C1orf35: variants seen among roughly 807,000 people sequenced by gnomAD.
The protein encoded by C1orf35 is multiple myeloma tumor-associated protein 2.
C1orf35 carries 36 observed loss-of-function variants against 30.9 expected under a neutral mutation model. The ratio of observed to expected loss-of-function variants is 1.16; its 90% CI spans 0.89 to 1.54. The LOEUF (loss-of-function observed/expected upper bound fraction) is 1.54. Among genes scored for constraint, C1orf35 ranks in the 40% most tolerant of loss-of-function variants. The probability of loss-of-function intolerance (pLI) is 0.00; values close to 1 mark genes in which losing one functional copy is unlikely to be tolerated. For synonymous variants in C1orf35, 179 were observed against 148.2 expected (o/e 1.21, Z -1.51); for missense variants, 396 against 358.7 (o/e 1.10, Z -0.84).
rs200320694 is a variant in C1orf35 at position 228,101,431 on chromosome 1, C to T, written c.576G>A (p.Lys192=). 71 of 1,613,662 alleles carry T rather than the reference C, an allele frequency of 4.4e-5. No individual in the cohort carries two copies. The Middle Eastern group carries it at 1.8e-3, about 41-fold the overall frequency. Reference sequence around the variant, plus strand: ...TCTCTTTCTTGTGTTTCCTCTTTTTCTTTTTCTTCTTCTCCTTCTTGCTTT... The same window carrying T: ...TCTCTTTCTTGTGTTTCCTCTTTTTTTTTTTCTTCTTCTCCTTCTTGCTTT... The part of the protein sequence containing the change: ...HRKSKKEKKK[K]KKRKHKKEKK... Residue 192 remains lysine, a synonymous_variant, in exon 7 of 8, where the codon AAG becomes AAA. Coordinates refer to ENST00000272139, the MANE Select transcript of C1orf35 (RefSeq NM_024319.4).
rs780516497 is a variant in C1orf35, at chr1:228,102,316, CACAG to C, written c.437_440del (p.Ser146CysfsTer7). 12 of 1,611,322 alleles carry C rather than the reference CACAG, an allele frequency of 7.4e-6. No homozygotes were observed. The highest frequency in any genetic ancestry group is 6.8e-6 in the Non-Finnish European group (8 of 1,179,666). ...AGGCGGGGCGGGGGATTACCGTGAA[CACAG>C]ACAGCCCCAGTTTGGCGGCCTCCTT... is the stretch of plus-strand genomic sequence containing the variant. On this transcript the variant is annotated frameshift_variant, in exon 5 of 8. Coordinates refer to ENST00000272139, the MANE Select transcript of C1orf35 (RefSeq NM_024319.4). LOFTEE classifies it high-confidence loss of function.
At position 228,101,334 on chromosome 1, in the gene C1orf35, C is replaced by A. The variant is rs916737006; in HGVS notation, c.668+5G>T. 7 of 1,614,062 alleles carry A rather than the reference C, an allele frequency of 4.3e-6. No individual in the cohort carries two copies. Among genetic ancestry groups the A allele is most frequent in the African/African-American group, 1.3e-5 (1 of 74,926 alleles). On this transcript the variant is annotated splice_donor_5th_base_variant and intron_variant, in intron 7 of 7. Coordinates refer to ENST00000272139, the MANE Select transcript of C1orf35 (RefSeq NM_024319.4). ...CCCAAGAGGCAGATATGGACCAGGG[C>A]ATACCTCTCAGGAGATGTGGGAGAG...
chr1:228,102,679 C>T lies in C1orf35; in HGVS notation c.255G>A (p.Lys85=). ...REALLAALGY[K]NVKKQPTGLS... ...GGCCCGTGGGCTGCTTCTTCACGTTCTTGTAGCCACTGCGAGAGGGCCGGG... is the reference window on the plus strand; with the variant it reads ...GGCCCGTGGGCTGCTTCTTCACGTTTTTGTAGCCACTGCGAGAGGGCCGGG... Residue 85 remains lysine, a synonymous_variant, in exon 3 of 8, where the codon AAG becomes AAA. Transcript: ENST00000272139. The T allele has an allele frequency of 6.2e-7, 1 of 1,607,580 alleles. No homozygotes were observed. Among genetic ancestry groups the T allele is most frequent in the African/African-American group, 1.3e-5 (1 of 74,896 alleles).
At position 228,102,496 on chromosome 1, in the gene C1orf35, A is replaced by T; in HGVS notation, c.356T>A (p.Leu119Gln). 1.3e-6 allele frequency: 2 copies of T among 1,558,374 alleles called. No homozygotes were observed. The highest frequency in any genetic ancestry group is 8.7e-7 in the Non-Finnish European group (1 of 1,155,328). The change falls in exon 4 of 8, where the codon CTG becomes CAG. Residue 119 changes from leucine to glutamine, a missense_variant. Physicochemically the swap from Leu to Gln is moderately radical, Grantham distance 113. Coordinates refer to ENST00000272139, the MANE Select transcript of C1orf35 (RefSeq NM_024319.4). ...CCCGCACCTTGCGCTCCCCAGCCCCAGCAGCCGGTCCACGCCCTTCTCCTC... is the reference window on the plus strand; with the variant it reads ...CCCGCACCTTGCGCTCCCCAGCCCCTGCAGCCGGTCCACGCCCTTCTCCTC... Reference protein sequence around the residue: ...DPEEKGVDRLLGLGSASGSVG... With the variant: ...DPEEKGVDRLQGLGSASGSVG...
In C1orf35 at chr1:228,101,236, A is replaced by T. The variant is rs759334682; in HGVS notation, c.687T>A (p.His229Gln). Residue 229 changes from histidine (H) to glutamine (Q), a missense_variant, in exon 8 of 8, where the codon CAT becomes CAA. Coordinates refer to ENST00000272139, the MANE Select transcript of C1orf35 (RefSeq NM_024319.4). ...AGCAGGGGGAGTTGGAGTCGGAGTC[A>T]TGGTGGTGGTGCCTGGGCCTGGGGA... The part of the protein sequence containing the change: ...TSPERPRHHH[H>Q]DSDSNSPCCK... The T allele has an allele frequency of 1.2e-6, 2 of 1,613,906 alleles. No homozygotes were observed. The highest frequency in any genetic ancestry group is 8.5e-7 in the Non-Finnish European group (1 of 1,179,974).
chr1:228,101,075 A>T lies in C1orf35; in HGVS notation c.*56T>A. The T allele has an allele frequency of 6.2e-7, 1 of 1,600,828 alleles. No individual in the cohort carries two copies. The highest frequency in any genetic ancestry group is 2.2e-5 in the East Asian group (1 of 44,800). ...CAAGGAGCTTCCGAGGCAGGAGGCA[A>T]GCAAGGTGAAGGGAGGGTTCAGGGT... is the stretch of plus-strand genomic sequence containing the variant. On this transcript the variant is annotated 3_prime_UTR_variant, in exon 8 of 8. Coordinates refer to ENST00000272139, the MANE Select transcript of C1orf35 (RefSeq NM_024319.4).
chr1:228,101,797 G>A lies in C1orf35; in HGVS notation c.533+283C>T, dbSNP rs1571849491. ...CTCACCATCCAGGAGAAGCCCTGGA[G>A]GTGCCACCCACGGCAGGAAAAGGCC... On this transcript the variant is annotated intron_variant, in intron 6 of 7. Transcript: ENST00000272139. The A allele has an allele frequency of 2.8e-6, 4 of 1,412,134 alleles. 1 individual carries two copies. Among genetic ancestry groups the A allele is most frequent in the South Asian group, 1.6e-5 (1 of 63,638 alleles). 87.5% of individuals were successfully genotyped at this position (1,412,134 alleles called of 1,614,324 possible).
chr1:228,102,388 G>A lies in C1orf35; in HGVS notation c.375-6C>T. 1.2e-6 allele frequency: 2 copies of A among 1,609,626 alleles called. No homozygotes were observed. Among genetic ancestry groups the A allele is most frequent in the East Asian group, 2.2e-5 (1 of 44,752 alleles). On this transcript the variant is annotated splice_region_variant and splice_polypyrimidine_tract_variant and intron_variant, in intron 4 of 7. Coordinates refer to ENST00000272139, the MANE Select transcript of C1orf35 (RefSeq NM_024319.4). ...CCACGCGGCCCACGGAGCCACTGCA[G>A]GGACATGGCGATGAAGACAGTACGG...
chr1:228,101,046 C>T lies in C1orf35; in HGVS notation c.*85G>A, dbSNP rs1571848672. ...CAGGAGCAGCCTCGGGCTTCACCCA[C>T]ACCCAAGGAGCTTCCGAGGCAGGAG... On this transcript the variant is annotated 3_prime_UTR_variant, in exon 8 of 8. Transcript: ENST00000272139. 1 of 1,577,374 alleles carries T rather than the reference C, an allele frequency of 6.3e-7. No individual in the cohort carries two copies. Among genetic ancestry groups the T allele is most frequent in the East Asian group, 2.2e-5 (1 of 44,644 alleles).
rs760551591 is a variant in C1orf35 at position 228,101,519 on chromosome 1, C to CCAAGA, written c.534-51_534-47dup. 1.9e-6 allele frequency: 3 copies of CCAAGA among 1,603,456 alleles called. No homozygotes were observed. In the African/African-American group the frequency reaches 4.0e-5, roughly 21 times the overall value. On this transcript the variant is annotated intron_variant, in intron 6 of 7. Coordinates refer to ENST00000272139, the MANE Select transcript of C1orf35 (RefSeq NM_024319.4). ...GTGCCTCAGACCCTAGTCTTGCAAG[C>CCAAGA]CAAGAGAGTGAACACAAGCAGGCCC... is the stretch of plus-strand genomic sequence containing the variant.
Position 228,103,173 on chromosome 1 carries a change from C to T in C1orf35, c.55G>A (p.Glu19Lys). 6.2e-6 allele frequency: 10 copies of T among 1,612,064 alleles called. No homozygotes were observed. In the Middle Eastern group the frequency reaches 1.7e-3, roughly 267 times the overall value. ...CGCTGCTTGTCAGTCTTCACGTCCT[C>T]CCAGTTGAACTGGTCCTGCCCGCCG... ...VRGGQDQFNW[E>K]DVKTDKQREN... The change falls in exon 1 of 8, where the codon GAG becomes AAG. Residue 19 changes from glutamate to lysine, a missense_variant. Glu to Lys is a moderately conservative substitution (Grantham distance 56). Transcript: ENST00000272139.
At position 228,102,972 on chromosome 1, in the gene C1orf35, A is replaced by G; in HGVS notation, c.172T>C (p.Cys58Arg). Reference protein sequence around the residue: ...LTWYAKGRAPCAGPSREEELA... With the variant: ...LTWYAKGRAPRAGPSREEELA... The stretch of plus-strand genomic sequence containing the variant: ...TCCTCCTCGCGGCTCGGGCCCGCGC[A>G]TGGCGCCCGGCCCTTGGCGTACCAG... The change falls in exon 2 of 8, where the codon TGC (cysteine) becomes CGC (arginine). Residue 58 changes from cysteine (C) to arginine (R), a missense_variant. Transcript: ENST00000272139. 2 of 1,527,822 alleles carry G rather than the reference A, an allele frequency of 1.3e-6. No homozygotes were observed. Among genetic ancestry groups the G allele is most frequent in the Non-Finnish European group, 1.7e-6 (2 of 1,143,034 alleles). 94.6% of individuals were successfully genotyped at this position (1,527,822 alleles called of 1,614,324 possible).
chr1:228,101,407 CTCTT>C lies in C1orf35; in HGVS notation c.596_599del (p.Lys199ArgfsTer77), dbSNP rs1162955452. The C allele has an allele frequency of 3.7e-6, 6 of 1,613,740 alleles. No homozygotes were observed. Among genetic ancestry groups the C allele is most frequent in the African/African-American group, 1.3e-5 (1 of 74,932 alleles). On this transcript the variant is annotated frameshift_variant, in exon 7 of 8. Coordinates refer to ENST00000272139, the MANE Select transcript of C1orf35 (RefSeq NM_024319.4). LOFTEE classifies it high-confidence loss of function. Reference sequence around the variant, plus strand: ...TGTGCTCTTTGTCTTTCTTCTTCTTCTCTTTCTTGTGTTTCCTCTTTTTCTTTTT... The same window carrying C: ...TGTGCTCTTTGTCTTTCTTCTTCTTCTCTTGTGTTTCCTCTTTTTCTTTTT...
Position 228,102,680 on chromosome 1 carries a change from T to C in C1orf35, c.254A>G (p.Lys85Arg), listed in dbSNP as rs751006150. The change falls in exon 3 of 8, where the codon AAG becomes AGG. Residue 85 changes from lysine (K) to arginine (R), a missense_variant. Lys to Arg is a conservative substitution (Grantham distance 26). Coordinates refer to ENST00000272139, the MANE Select transcript of C1orf35 (RefSeq NM_024319.4). ...REALLAALGY[K>R]NVKKQPTGLS... is the part of the protein sequence containing the mutation. ...GCCCGTGGGCTGCTTCTTCACGTTCTTGTAGCCACTGCGAGAGGGCCGGGG... is the reference window on the plus strand; with the variant it reads ...GCCCGTGGGCTGCTTCTTCACGTTCCTGTAGCCACTGCGAGAGGGCCGGGG... 1.1e-5 allele frequency: 18 copies of C among 1,607,614 alleles called. No individual in the cohort carries two copies. The highest frequency in any genetic ancestry group is 1.3e-5 in the African/African-American group (1 of 74,780).
Position 228,103,243 on chromosome 1 carries a change from G to C in C1orf35, c.-16C>G, listed in dbSNP as rs371891094. The C allele has an allele frequency of 9.9e-6, 16 of 1,608,452 alleles. No individual in the cohort carries two copies. The African/African-American group carries it at 2.0e-4, about 20-fold the overall frequency. On this transcript the variant is annotated 5_prime_UTR_variant, in exon 1 of 8. Coordinates refer to ENST00000272139, the MANE Select transcript of C1orf35 (RefSeq NM_024319.4). Reference sequence around the variant, plus strand: ...AGCCGAACATGGCGCCGGGAAGGCAGTTGCCTGGGGCCTGCGGCTTGCAAC... The same window carrying C: ...AGCCGAACATGGCGCCGGGAAGGCACTTGCCTGGGGCCTGCGGCTTGCAAC...
At position 228,101,235 on chromosome 1, in the gene C1orf35, CATG is replaced by C. The variant is rs763550395; in HGVS notation, c.685_687del (p.His229del). ...CAGCAGGGGGAGTTGGAGTCGGAGTCATGGTGGTGGTGCCTGGGCCTGGGGAGA... is the reference window on the plus strand; with the variant it reads ...CAGCAGGGGGAGTTGGAGTCGGAGTCGTGGTGGTGCCTGGGCCTGGGGAGA... On this transcript the variant is annotated inframe_deletion, in exon 8 of 8. Coordinates refer to ENST00000272139, the MANE Select transcript of C1orf35 (RefSeq NM_024319.4). 52 of 1,614,172 alleles carry C rather than the reference CATG, an allele frequency of 3.2e-5. No homozygotes were observed. The highest frequency in any genetic ancestry group is 2.2e-4 in the East Asian group (10 of 44,878).
chr1:228,101,179 G>A lies in C1orf35; in HGVS notation c.744C>T (p.Asp248=). The part of the protein sequence containing the change: ...CKRRKRGHSG[D]RRSPSRRWHD... ...GCCACCTGCGAGACGGGCTCCTCCT[G>A]TCCCCACTGTGTCCCCGCTTCCTCC... The change falls in exon 8 of 8, where the codon GAC becomes GAT. Residue 248 remains aspartate, a synonymous_variant. Coordinates refer to ENST00000272139, the MANE Select transcript of C1orf35 (RefSeq NM_024319.4). 1.2e-6 allele frequency: 2 copies of A among 1,614,128 alleles called. No individual in the cohort carries two copies. The highest frequency in any genetic ancestry group is 1.7e-6 in the Non-Finnish European group (2 of 1,180,044).
chr1:228,100,952 G>A lies in C1orf35; in HGVS notation c.*179C>T, dbSNP rs1338977156. On this transcript the variant is annotated 3_prime_UTR_variant, in exon 8 of 8. Coordinates refer to ENST00000272139, the MANE Select transcript of C1orf35 (RefSeq NM_024319.4). Reference sequence around the variant, plus strand: ...TATGCGAAACCTGGAGGTTTTCCAGGAAGCCGGCTGCTCCAGAGCTAGCTG... The same window carrying A: ...TATGCGAAACCTGGAGGTTTTCCAGAAAGCCGGCTGCTCCAGAGCTAGCTG... The A allele has an allele frequency of 7.4e-6, 7 of 941,384 alleles. No homozygotes were observed. In the Admixed American group the frequency reaches 1.1e-4, roughly 15 times the overall value. The allele number at this position is 941,384 out of a possible 1,614,324, so 58.3% of individuals were successfully genotyped here.
rs1011133799 is a variant in C1orf35 at position 228,102,198 on chromosome 1, G to T, written c.448-33C>A. On this transcript the variant is annotated intron_variant, in intron 5 of 7. Transcript: ENST00000272139. ...AGAAGCGAGCTCTGCGGAGGAGTCT[G>T]CGGGCCGGCCCCACACCACGCCCCG... 8 of 1,566,644 alleles carry T rather than the reference G, an allele frequency of 5.1e-6. No individual in the cohort carries two copies. The East Asian group carries it at 7.0e-5, about 14-fold the overall frequency.
Sources: allele counts gnomAD v4.1 joint callset, GRCh38; gene constraint gnomAD v4.1.1; transcripts MANE v1.5; gene names NCBI Gene and HGNC (gene_info 2026-07-23, HGNC 2026-07-21).